The following MAGI1 variants were observed in gnomAD, a reference collection of about 807,000 sequenced individuals.
MAGI1 encodes the protein membrane-associated guanylate kinase, WW and PDZ domain-containing protein 1.
MAGI1 carries 58 observed loss-of-function variants against 139.9 expected under a neutral mutation model. The observed-to-expected ratio is 0.41, with a 90% confidence interval of 0.34 to 0.52. The LOEUF (loss-of-function observed/expected upper bound fraction) is 0.52. Ranked by LOEUF, MAGI1 falls within the 20% of genes least tolerant of loss-of-function variation. MAGI1 has a pLI of 0.12. For missense variants in MAGI1, 1,874 were observed against 1,901.6 expected (o/e 0.99, Z 0.27); for synonymous variants, 812 against 737.9 (o/e 1.10, Z -1.63).
intron 12 of MAGI1, among the ~76,000 whole-genome samples, chr3:65,421,773 A>G (rs1946644794): frequency 6.6e-6 from 1 of 152,184 alleles, no homozygotes; most frequent in Non-Finnish European, 1.5e-5. Context: ...ACACCATGCC[A>G]GGATTGAGAA....
chr3:65,786,390 T>C (rs1404073283), intron 1 of MAGI1, among the ~76,000 whole-genome samples: 1 of 150,908 alleles, frequency 6.6e-6, no homozygotes, highest in Non-Finnish European at 1.5e-5. Flanking sequence ...CACTGCAGCC[T>C]CAACCTCCTA....
At chr3:65,851,474 C>A (rs1202875825) in intron 1 of MAGI1, among the ~76,000 whole-genome samples, 1 of 152,108 alleles carries the variant, frequency 6.6e-6, no homozygotes, top group Non-Finnish European at 1.5e-5. Flanking sequence ...GGTTGCCAGG[C>A]GCGGTGGCTC....
chr3:65,903,186 G>C (rs887060470), intron 1 of MAGI1, among the ~76,000 whole-genome samples: 2 of 152,166 alleles, frequency 1.3e-5, no homozygotes, highest in African/African-American at 4.8e-5. Flanking sequence ...TGTATAGACA[G>C]GGTCTCTATG....
intron 13 of MAGI1, 150 bp from the exon 14 acceptor site, chr3:65,391,508 T>C (rs1344838608): frequency 3.1e-6 from 2 of 645,058 alleles, no homozygotes; most frequent in East Asian, 2.7e-5. Flanking sequence ...CAGCTAATGC[T>C]GAATGTAGAT....
intron 1 of MAGI1, among the ~76,000 whole-genome samples, chr3:65,809,203 G>A (rs1050191330): frequency 9.9e-5 from 15 of 152,180 alleles, no homozygotes; most frequent in Non-Finnish European, 1.8e-4. Flanking sequence ...CACAGACAGT[G>A]ACGATGTGCT....
intron 1 of MAGI1, among the ~76,000 whole-genome samples, chr3:65,864,901 G>A (rs761275538): frequency 1.3e-5 from 2 of 152,148 alleles, no homozygotes; most frequent in South Asian, 2.1e-4. Context: ...AGAAAGATAT[G>A]CAAATGGTCA....
chr3:65,833,093 G>C (rs1023249088), intron 1 of MAGI1, among the ~76,000 whole-genome samples: 1 of 150,392 alleles, frequency 6.6e-6, no homozygotes, highest in African/African-American at 2.4e-5. Flanking sequence ...AGTAATAGTG[G>C]GCTAGGACTG....
intron 1 of MAGI1, among the ~76,000 whole-genome samples, chr3:66,006,760 G>T (rs1468975768): frequency 1.3e-5 from 2 of 151,948 alleles, no homozygotes; most frequent in Admixed American, 6.6e-5. Context: ...TTAAATTTTT[G>T]TTTCAGTTTT....
intron 2 of MAGI1, among the ~76,000 whole-genome samples, chr3:65,536,430 C>CA (rs761058305): frequency 2.4e-4 from 37 of 152,024 alleles, no homozygotes; most frequent in African/African-American, 8.7e-4. Flanking sequence ...GGTATTTGTA[C>CA]AAAAAAGATA....
At chr3:65,723,514 A>G (rs1420937490) in intron 1 of MAGI1, among the ~76,000 whole-genome samples, 1 of 151,218 alleles carries the variant, frequency 6.6e-6, no homozygotes, top group Non-Finnish European at 1.5e-5. Context: ...TCAAAGTTTC[A>G]GGACTCATTT....
At chr3:65,779,578 G>A (rs986325534) in intron 1 of MAGI1, among the ~76,000 whole-genome samples, 1 of 152,202 alleles carries the variant, frequency 6.6e-6, no homozygotes, top group African/African-American at 2.4e-5. Flanking sequence ...TTGCACAATC[G>A]CTTGACAGAT....
chr3:65,663,359 C>A (rs925082710), intron 1 of MAGI1, among the ~76,000 whole-genome samples: 2 of 152,160 alleles, frequency 1.3e-5, no homozygotes, highest in African/African-American at 4.8e-5. Context: ...TCTTGCCTTC[C>A]TCTGGACTGA....
At chr3:65,559,287 G>C (rs1489305789) in intron 2 of MAGI1, among the ~76,000 whole-genome samples, 1 of 152,134 alleles carries the variant, frequency 6.6e-6, no homozygotes, top group African/African-American at 2.4e-5. Flanking sequence ...AATCCTAACA[G>C]TTTTCTTAGC....
intron 1 of MAGI1, among the ~76,000 whole-genome samples, chr3:65,726,681 C>T (rs1213779415): frequency 6.6e-6 from 1 of 152,112 alleles, no homozygotes; most frequent in Admixed American, 6.6e-5. Context: ...CACAAGTGTG[C>T]TATAAAGCAC....
chr3:65,602,608 T>A (rs2082535040), intron 2 of MAGI1, among the ~76,000 whole-genome samples: 1 of 152,100 alleles, frequency 6.6e-6, no homozygotes, highest in Admixed American at 6.5e-5. Context: ...AAACATTCTA[T>A]AATTTTGTGG....
intron 5 of MAGI1, among the ~76,000 whole-genome samples, chr3:65,455,311 T>C (rs1949318829): frequency 1.3e-5 from 2 of 152,156 alleles, no homozygotes; most frequent in African/African-American, 4.8e-5. Context: ...CACGTTGCTC[T>C]TTTATAGTCA....
At chr3:66,002,502 T>A (rs1197457599) in intron 1 of MAGI1, among the ~76,000 whole-genome samples, 1 of 152,092 alleles carries the variant, frequency 6.6e-6, no homozygotes, top group Non-Finnish European at 1.5e-5. Flanking sequence ...CTGTCCCACA[T>A]AGACTATTTT....
At chr3:65,917,852 G>A (rs963885707) in intron 1 of MAGI1, among the ~76,000 whole-genome samples, 26 of 152,176 alleles carry the variant, frequency 1.7e-4, no homozygotes, top group African/African-American at 5.8e-4. Flanking sequence ...TGGTGGACAC[G>A]TGTCATTACA....
chr3:65,740,501 C>T (rs1309631579), intron 1 of MAGI1, among the ~76,000 whole-genome samples: 2 of 152,182 alleles, frequency 1.3e-5, no homozygotes, highest in African/African-American at 4.8e-5. Context: ...TGCCTACTTG[C>T]CTCTTCCAGG....
Sources: allele counts gnomAD v4.1 joint callset (sites outside exome capture counted in the v4.1 genomes callset), GRCh38; gene constraint gnomAD v4.1.1; transcripts MANE v1.5; gene names NCBI Gene and HGNC (gene_info 2026-07-23, HGNC 2026-07-21).